Variants in MYO19 observed in about 807,000 individuals in gnomAD.
MYO19 encodes unconventional myosin-XIX.
In MYO19, 132 loss-of-function variants were observed where a neutral mutation model predicts 129.2. That is an observed-to-expected ratio of 1.02 (90% CI 0.89 to 1.18). MYO19 has a LOEUF of 1.18. MYO19 is among the 50% of genes most tolerant of loss of function. The pLI, the probability that MYO19 is intolerant of heterozygous loss-of-function variation, is 0.00. For missense variants in MYO19, 1,210 were observed against 1,216.7 expected (o/e 0.99, Z 0.08); for synonymous variants, 531 against 477.2 (o/e 1.11, Z -1.47).
At chr17:36,514,175 G>A (rs1227165084) in intron 9 of MYO19, among the ~76,000 whole-genome samples, 2 of 152,124 alleles carry the variant, frequency 1.3e-5, no homozygotes, top group African/African-American at 2.4e-5. Flanking sequence ...AGAGTGACAC[G>A]GCTTCCACCC....
intron 9 of MYO19, 127 bp from the exon 10 acceptor site, chr17:36,513,852 C>T (rs982685645): frequency 2.2e-5 from 17 of 759,720 alleles, no homozygotes; most frequent in Middle Eastern, 3.8e-4. Context: ...AGGTCCCTTC[C>T]GAGAGCCCAC....
At chr17:36,499,552 A>T (rs930309109) in intron 23 of MYO19, 1 of 165,636 alleles carries the variant, frequency 6.0e-6, no homozygotes, top group East Asian at 1.6e-4. Flanking sequence ...TGTTCGCTTT[A>T]TGCATCCCTG....
chr17:36,539,593 G>GAGAC (rs542479042), upstream of MYO19, among the ~76,000 whole-genome samples: 228 of 137,632 alleles, frequency 1.7e-3, no homozygotes, highest in Non-Finnish European at 2.8e-3. Flanking sequence ...GGGAAACAGT[G>GAGAC]AGACCCTGTC....
Position 36,514,442 on chromosome 17 carries a change from A to T in MYO19, c.720+4T>A, listed in dbSNP as rs1034839433. On this transcript the variant is annotated splice_donor_region_variant and intron_variant, in intron 9 of 25. Transcript: ENST00000614623. ...GGGGGGCTGTGGCCCCATTTGGCAC[A>T]AACCTGATAGAAGATGTGGAAGTTC... is the stretch of plus-strand genomic sequence containing the variant. The T allele has an allele frequency of 3.7e-6, 6 of 1,606,516 alleles. No individual in the cohort carries two copies. In the African/African-American group the frequency reaches 5.3e-5, roughly 14 times the overall value.
chr17:36,529,153 C>G (rs2073673736), intron 3 of MYO19, among the ~76,000 whole-genome samples: 1 of 149,586 alleles, frequency 6.7e-6, no homozygotes, highest in African/African-American at 2.5e-5. Flanking sequence ...CCTTGCCTAT[C>G]TTTTTTTTTT....
rs754094303 is a variant in MYO19, at chr17:36,496,403, A to G, written c.2761T>C (p.Ser921Pro). Reference sequence around the variant, plus strand: ...GACTTTCTGCAGTGAAACTTTATCGATCCCTAGAGGGGAGAGAGAGATGCA... The same window carrying G: ...GACTTTCTGCAGTGAAACTTTATCGGTCCCTAGAGGGGAGAGAGAGATGCA... ...VTSIRALPQGSIKFHCRKSPL... is the reference protein window; with the variant it reads ...VTSIRALPQGPIKFHCRKSPL... Residue 921 changes from serine to proline, a missense_variant, in exon 26 of 26, where the codon TCG becomes CCG. Ser to Pro is a moderately conservative substitution (Grantham distance 74, BLOSUM62 -1). Coordinates refer to ENST00000614623, the MANE Select transcript of MYO19 (RefSeq NM_001163735.2). 1.2e-6 allele frequency: 2 copies of G among 1,613,812 alleles called. No individual in the cohort carries two copies. The highest frequency in any genetic ancestry group is 2.2e-5 in the South Asian group (2 of 91,082).
At chr17:36,528,265 C>G in intron 3 of MYO19, 63 bp from the exon 4 acceptor site, 1 of 1,509,668 alleles carries the variant, frequency 6.6e-7, no homozygotes, top group Non-Finnish European at 9.0e-7. Context: ...TCCCAGCACT[C>G]TGGGAGGCCA....
chr17:36,517,748 T>C (rs950449197), intron 6 of MYO19, among the ~76,000 whole-genome samples: 2 of 152,180 alleles, frequency 1.3e-5, no homozygotes, highest in African/African-American at 2.4e-5. Flanking sequence ...TCACTCCCAA[T>C]GTGACTGCAT....
chr17:36,507,361 C>T lies in MYO19; in HGVS notation c.1467+38G>A, dbSNP rs2141976736. ...ATCAAGGCCCCAGAAAACCCAAAGGCCAACTCTGGTGCTCGGCTCATTAGC... is the reference window on the plus strand; with the variant it reads ...ATCAAGGCCCCAGAAAACCCAAAGGTCAACTCTGGTGCTCGGCTCATTAGC... On this transcript the variant is annotated intron_variant, in intron 16 of 25. Coordinates refer to ENST00000614623, the MANE Select transcript of MYO19 (RefSeq NM_001163735.2). 5.0e-6 allele frequency: 8 copies of T among 1,587,972 alleles called. No individual in the cohort carries two copies. The East Asian group carries it at 1.8e-4, about 35-fold the overall frequency.
Position 36,515,126 on chromosome 17 carries a change from G to C in MYO19, c.604C>G (p.Leu202Val). 1 of 1,609,948 alleles carries C rather than the reference G, an allele frequency of 6.2e-7. No homozygotes were observed. Among genetic ancestry groups the C allele is most frequent in the African/African-American group, 1.3e-5 (1 of 75,030 alleles). Reference sequence around the variant, plus strand: ...AGCAGCTATTACCTGTTCAGCTGGAGCTGGATGAACTTCCCAAAGCGACTG... The same window carrying C: ...AGCAGCTATTACCTGTTCAGCTGGACCTGGATGAACTTCCCAAAGCGACTG... ...NSSRFGKFIQ[L>V]QLNRAQQMTG... The change falls in exon 8 of 26, where the codon CTC becomes GTC. Residue 202 changes from leucine to valine, a missense_variant. Coordinates refer to ENST00000614623, the MANE Select transcript of MYO19 (RefSeq NM_001163735.2).
At chr17:36,519,522 G>T (rs1004506239) in intron 6 of MYO19, among the ~76,000 whole-genome samples, 2 of 151,574 alleles carry the variant, frequency 1.3e-5, no homozygotes, top group African/African-American at 2.4e-5. Flanking sequence ...TGTCCCATGT[G>T]ATCTTAGTTC....
At chr17:36,497,624 AC>A in intron 25 of MYO19, 2 of 866,762 alleles carry the variant, frequency 2.3e-6, no homozygotes, top group African/African-American at 1.8e-5. Context: ...TCGTCCTGTC[AC>A]CCAGGCTGGA....
intron 9 of MYO19, 21 bp downstream of exon 9, chr17:36,514,425 G>C: frequency 6.7e-7 from 1 of 1,499,588 alleles, no homozygotes; most frequent in Non-Finnish European, 9.3e-7. Flanking sequence ...CTGGGGGGCT[G>C]TGGCCCCATT....
At chr17:36,497,288 G>A (rs1339019296) in intron 25 of MYO19, among the ~76,000 whole-genome samples, 2 of 151,170 alleles carry the variant, frequency 1.3e-5, no homozygotes, top group Non-Finnish European at 2.9e-5. Context: ...GGGCGACAGA[G>A]TGAGACTCCG....
chr17:36,510,002 G>A (rs1395643241), intron 13 of MYO19: 1 of 152,252 alleles, frequency 6.6e-6, no homozygotes, highest in Non-Finnish European at 1.5e-5. Flanking sequence ...GGACGATCTG[G>A]TTCCCCCAGC....
At position 36,513,313 on chromosome 17, in the gene MYO19, G is replaced by C. The variant is rs556870845; in HGVS notation, c.894+116C>G. On this transcript the variant is annotated intron_variant, in intron 11 of 25. Transcript: ENST00000614623. ...CTGATTCCTTGGAGGTAGCACAGAA[G>C]GGCCCAAAGTCCTAGATCCTCAGGG... The C allele has an allele frequency of 1.4e-5, 22 of 1,585,036 alleles. No individual in the cohort carries two copies. In the African/African-American group the frequency reaches 2.8e-4, roughly 20 times the overall value.
intron 9 of MYO19, among the ~76,000 whole-genome samples, chr17:36,513,989 G>A (rs879585059): frequency 6.6e-6 from 1 of 152,204 alleles, no homozygotes; most frequent in Non-Finnish European, 1.5e-5. Flanking sequence ...CAGGGAGTCC[G>A]TCGTCTTGAC....
chr17:36,507,979 G>C, intron 14 of MYO19, 55 bp from the exon 15 acceptor site: 1 of 1,515,332 alleles, frequency 6.6e-7, no homozygotes, highest in Non-Finnish European at 8.9e-7. Flanking sequence ...ATGGGGAATA[G>C]GGGACCAAGG....
At chr17:36,501,425 A>G in intron 21 of MYO19, 190 bp from the exon 22 acceptor site, 1 of 596,722 alleles carries the variant, frequency 1.7e-6, no homozygotes, top group Non-Finnish European at 2.8e-6. Flanking sequence ...TCAGGGTGCT[A>G]GCTGTTCCGT....
Sources: allele counts gnomAD v4.1 joint callset (sites outside exome capture counted in the v4.1 genomes callset), GRCh38; gene constraint gnomAD v4.1.1; transcripts MANE v1.5; gene names NCBI Gene and HGNC (gene_info 2026-07-23, HGNC 2026-07-21).